LIMS1: variants seen among roughly 807,000 people sequenced by gnomAD.
LIMS1 encodes LIM and senescent cell antigen-like-containing domain protein 1.
LIMS1 carries 18 observed loss-of-function variants against 44.1 expected under a neutral mutation model. That is an observed-to-expected ratio of 0.41 (90% CI 0.28 to 0.61). The LOEUF is 0.61. Among genes scored for constraint, LIMS1 ranks in the 20% least tolerant of loss-of-function variants. The pLI is 0.32. For synonymous variants in LIMS1, 93 were observed against 149.1 expected (o/e 0.62, Z 2.74); for missense variants, 201 against 422.0 (o/e 0.48, Z 4.59).
intron 1 of LIMS1, among the ~76,000 whole-genome samples, chr2:108,535,488 CCTTGGTCTGT>C (rs1480456075): frequency 4.6e-5 from 7 of 152,132 alleles, no homozygotes; most frequent in Admixed American, 2.0e-4. Flanking sequence ...CGTTAAAATT[CCTTGGTCTGT>C]CTTGCAGTTT....
rs571018003 is a variant in LIMS1, at chr2:108,597,939, G to A, written c.33-61666G>A. Among the ~76,000 whole-genome samples, 35 of 152,088 alleles carry A rather than the reference G, an allele frequency of 2.3e-4. 1 individual carries two copies. In the South Asian group the frequency reaches 4.8e-3, roughly 21 times the overall value. ...GAACTCCTGACCTGGTGATCCGCCC[G>A]CCTCAGCCTCCCAAAGTGGTGGGAT... On this transcript the variant is annotated intron_variant, in intron 1 of 9. Coordinates refer to ENST00000544547, the Ensembl canonical transcript of LIMS1.
chr2:108,633,986 TTAGAAG>T, intron 1 of LIMS1, among the ~76,000 whole-genome samples: 1 of 152,194 alleles, frequency 6.6e-6, no homozygotes. Flanking sequence ...CCACCGTTCT[TTAGAAG>T]TAGTATTTCT....
chr2:108,540,619 ATTT>A (rs1684286213), intron 1 of LIMS1, among the ~76,000 whole-genome samples: 1 of 152,234 alleles, frequency 6.6e-6, no homozygotes, highest in Non-Finnish European at 1.5e-5. Context: ...AAGAAAATTT[ATTT>A]AACATTTAAA....
chr2:108,634,733 G>A (rs139404290), intron 1 of LIMS1, among the ~76,000 whole-genome samples: 1 of 152,344 alleles, frequency 6.6e-6, no homozygotes, highest in East Asian at 1.9e-4. Flanking sequence ...GACAGGAAGG[G>A]AGGCTCAGGA....
At chr2:108,608,876 G>C (rs1687427158) in intron 1 of LIMS1, among the ~76,000 whole-genome samples, 1 of 152,152 alleles carries the variant, frequency 6.6e-6, no homozygotes, top group Admixed American at 6.5e-5. Flanking sequence ...AAATGAAATA[G>C]TATGTGAAGC....
chr2:108,667,735 C>A (rs918770903), intron 2 of LIMS1, among the ~76,000 whole-genome samples: 1 of 151,510 alleles, frequency 6.6e-6, no homozygotes, highest in African/African-American at 2.4e-5. Flanking sequence ...CCCTCCACCC[C>A]ACTCCCACCT....
intron 1 of LIMS1, among the ~76,000 whole-genome samples, chr2:108,608,838 G>A (rs1280428612): frequency 6.6e-6 from 1 of 152,048 alleles, no homozygotes; most frequent in Non-Finnish European, 1.5e-5. Context: ...TAGGGATACC[G>A]CTCATTTCAC....
chr2:108,685,658 A>G (rs1693261256), exon 10 of LIMS1: 2 of 152,198 alleles, frequency 1.3e-5, no homozygotes, highest in African/African-American at 4.8e-5. Context: ...ATCATCACAT[A>G]GTTTAAGATT....
At chr2:108,576,548 G>A (rs766365362) in intron 1 of LIMS1, among the ~76,000 whole-genome samples, 1 of 152,010 alleles carries the variant, frequency 6.6e-6, no homozygotes, top group Admixed American at 6.6e-5. Context: ...TTACAAGCAC[G>A]TGCCACCACA....
chr2:108,554,535 G>A (rs752736006), intron 1 of LIMS1, among the ~76,000 whole-genome samples: 11 of 152,170 alleles, frequency 7.2e-5, no homozygotes, highest in Non-Finnish European at 1.5e-4. Flanking sequence ...ATAACAGCTT[G>A]CCATTAGAGC....
chr2:108,621,305 G>A, intron 1 of LIMS1: 2 of 1,547,678 alleles, frequency 1.3e-6, no homozygotes, highest in Non-Finnish European at 1.7e-6. Flanking sequence ...CAGCCACACT[G>A]CTGAGCATAA....
intron 1 of LIMS1, among the ~76,000 whole-genome samples, chr2:108,595,578 A>G (rs1425515919): frequency 2.0e-5 from 3 of 151,952 alleles, no homozygotes. Flanking sequence ...CCTTTGTCCC[A>G]CTTAACTATT....
At chr2:108,647,164 C>A (rs1690128340) in intron 1 of LIMS1, among the ~76,000 whole-genome samples, 1 of 152,144 alleles carries the variant, frequency 6.6e-6, no homozygotes, top group South Asian at 2.1e-4. Flanking sequence ...ATACAAACTA[C>A]CATCAGCGAA....
chr2:108,561,366 C>T (rs1685104449), intron 1 of LIMS1, among the ~76,000 whole-genome samples: 1 of 152,146 alleles, frequency 6.6e-6, no homozygotes, highest in Admixed American at 6.6e-5. Context: ...ATTATTAGCC[C>T]ATCTGACAGA....
At chr2:108,552,809 C>T (rs1200028433) in intron 1 of LIMS1, among the ~76,000 whole-genome samples, 2 of 151,928 alleles carry the variant, frequency 1.3e-5, no homozygotes, top group Admixed American at 1.3e-4. Context: ...AACTCCTGGC[C>T]TCAAGCAATC....
At chr2:108,585,852 G>T (rs962790424) in intron 1 of LIMS1, among the ~76,000 whole-genome samples, 2 of 152,172 alleles carry the variant, frequency 1.3e-5, no homozygotes, top group African/African-American at 4.8e-5. Flanking sequence ...GGTGTTTCCA[G>T]ATTGCAGTAG....
chr2:108,580,986 T>C (rs1470470877), intron 1 of LIMS1, among the ~76,000 whole-genome samples: 1 of 152,190 alleles, frequency 6.6e-6, no homozygotes, highest in African/African-American at 2.4e-5. Context: ...TCTGCCAAGG[T>C]TGTTACTCTC....
intron 1 of LIMS1, among the ~76,000 whole-genome samples, chr2:108,629,567 G>A (rs1161367931): frequency 6.6e-6 from 1 of 152,194 alleles, no homozygotes; most frequent in African/African-American, 2.4e-5. Flanking sequence ...AAAAGGTGTG[G>A]GTGGTTACTG....
intron 9 of LIMS1, among the ~76,000 whole-genome samples, chr2:108,682,301 C>T (rs953107389): frequency 2.6e-5 from 4 of 152,158 alleles, no homozygotes; most frequent in African/African-American, 9.7e-5. Context: ...CACTTGAGAT[C>T]AGCCTGGGCA....
Sources: gnomAD v4.1 joint callset for allele counts (sites outside exome capture counted in the v4.1 genomes callset) on GRCh38, gnomAD v4.1.1 for gene constraint, MANE v1.5 for transcripts, NCBI Gene and HGNC (gene_info 2026-07-23, HGNC 2026-07-21) for gene names.